Variants in COMMD10 observed in about 807,000 individuals in gnomAD.
The protein encoded by COMMD10 is COMM domain-containing protein 10.
Under a neutral mutation model 28.9 loss-of-function variants are expected in COMMD10, and 33 were observed. The observed-to-expected ratio is 1.14, with a 90% CI of 0.87 to 1.53. The LOEUF (loss-of-function observed/expected upper bound fraction) is 1.53. COMMD10 is among the 40% of genes most tolerant of loss of function. The probability of loss-of-function intolerance (pLI) is 0.00; values close to 1 mark genes in which losing one functional copy is unlikely to be tolerated. For synonymous variants in COMMD10, 110 were observed against 81.7 expected, an observed-to-expected ratio of 1.35 and a Z score of -1.87; for missense variants, 310 against 233.4, an observed-to-expected ratio of 1.33 and a Z score of -2.14.
chr5:116,149,468 A>T (rs1292576287), intron 5 of COMMD10, among the ~76,000 whole-genome samples: 1 of 146,786 alleles, frequency 6.8e-6, no homozygotes, highest in African/African-American at 2.6e-5. Flanking sequence ...TTACAGTCCC[A>T]CCAACAGTGT....
intron 5 of COMMD10, among the ~76,000 whole-genome samples, chr5:116,166,000 T>C (rs1162159951): frequency 5.3e-5 from 8 of 152,162 alleles, no homozygotes; most frequent in Non-Finnish European, 1.2e-4. Context: ...TTGAGGTGGG[T>C]CAGCTATGGT....
chr5:116,256,575 A>G (rs1750291685), intron 5 of COMMD10, among the ~76,000 whole-genome samples: 1 of 151,724 alleles, frequency 6.6e-6, no homozygotes, highest in African/African-American at 2.4e-5. Context: ...TTGAAACAGT[A>G]TACAGGTTGA....
At chr5:116,184,634 T>C (rs2112601644) in intron 5 of COMMD10, among the ~76,000 whole-genome samples, 1 of 151,928 alleles carries the variant, frequency 6.6e-6, no homozygotes, top group East Asian at 1.9e-4. Flanking sequence ...AGCAGTGGAG[T>C]TGTTATTTAC....
At chr5:116,251,522 T>G (rs1181331430) in intron 5 of COMMD10, among the ~76,000 whole-genome samples, 1 of 147,024 alleles carries the variant, frequency 6.8e-6, no homozygotes, top group Admixed American at 7.0e-5. Flanking sequence ...AATTCCCACC[T>G]ATGAGTGAGA....
At chr5:116,212,650 T>C (rs1413839042) in intron 5 of COMMD10, among the ~76,000 whole-genome samples, 2 of 152,068 alleles carry the variant, frequency 1.3e-5, no homozygotes, top group Non-Finnish European at 2.9e-5. Context: ...ATGAAATTAC[T>C]ATTGACATTT....
At chr5:116,085,199 CGGTTG>C in intron 1 of COMMD10, 106 bp downstream of exon 1, 1 of 222,664 alleles carries the variant, frequency 4.5e-6, no homozygotes, top group Non-Finnish European at 9.2e-6. Context: ...GCGGCGGGCC[CGGTTG>C]AGTGGGGTGG....
At chr5:116,258,009 T>A (rs934517966) in intron 5 of COMMD10, among the ~76,000 whole-genome samples, 1 of 151,662 alleles carries the variant, frequency 6.6e-6, no homozygotes, top group Non-Finnish European at 1.5e-5. Context: ...TTAAAGAGGG[T>A]TCAGCAGCTC....
chr5:116,196,136 C>T (rs1191153977), intron 5 of COMMD10, among the ~76,000 whole-genome samples: 6 of 152,134 alleles, frequency 3.9e-5, no homozygotes, highest in East Asian at 1.9e-4. Context: ...CTTGCAAACA[C>T]GCATGTTTAT....
chr5:116,187,651 A>G (rs911392873), intron 5 of COMMD10, among the ~76,000 whole-genome samples: 6 of 152,118 alleles, frequency 3.9e-5, no homozygotes, highest in Admixed American at 2.0e-4. Context: ...ATATATTTGT[A>G]GTATATTCTA....
intron 5 of COMMD10, among the ~76,000 whole-genome samples, chr5:116,139,802 T>G (rs1752138242): frequency 6.6e-6 from 1 of 151,760 alleles, no homozygotes; most frequent in African/African-American, 2.4e-5. Flanking sequence ...GCATGCTGTT[T>G]TGATATAAAT....
intron 5 of COMMD10, among the ~76,000 whole-genome samples, chr5:116,283,931 A>G (rs1751146353): frequency 1.3e-5 from 2 of 151,734 alleles, no homozygotes; most frequent in Non-Finnish European, 2.9e-5. Context: ...GGGGTTTGAA[A>G]CCAGCTTGGG....
rs899144225 is a variant in COMMD10, at chr5:116,261,087, T to G, written c.511-30430T>G. Among the ~76,000 whole-genome samples, 5 of 151,772 alleles carry G rather than the reference T, an allele frequency of 3.3e-5. 1 individual carries two copies. Among genetic ancestry groups the G allele is most frequent in the African/African-American group, 1.2e-4 (5 of 41,186 alleles). On this transcript the variant is annotated intron_variant, in intron 5 of 6. Coordinates refer to ENST00000274458, the MANE Select transcript of COMMD10 (RefSeq NM_016144.4). ...AGAGACATCAGTAGCCTATGGAAATTTGTTGCTTTTCTTTGAAAAGTGCAC... is the reference window on the plus strand; with the variant it reads ...AGAGACATCAGTAGCCTATGGAAATGTGTTGCTTTTCTTTGAAAAGTGCAC...
At chr5:116,168,542 C>T (rs977741619) in intron 5 of COMMD10, among the ~76,000 whole-genome samples, 14 of 152,148 alleles carry the variant, frequency 9.2e-5, no homozygotes, top group Non-Finnish European at 1.9e-4. Context: ...CTTCTCAGCA[C>T]TGCATCCCGC....
chr5:116,094,639 C>G (rs1445262160), intron 4 of COMMD10, among the ~76,000 whole-genome samples: 1 of 152,160 alleles, frequency 6.6e-6, no homozygotes, highest in African/African-American at 2.4e-5. Flanking sequence ...AAAATTAGAA[C>G]TACCACACAG....
chr5:116,255,296 A>G (rs1175716226), intron 5 of COMMD10, among the ~76,000 whole-genome samples: 1 of 151,702 alleles, frequency 6.6e-6, no homozygotes, highest in Non-Finnish European at 1.5e-5. Context: ...TAGTCCATTT[A>G]CATTTAAAGT....
intron 5 of COMMD10, among the ~76,000 whole-genome samples, chr5:116,149,543 C>T (rs959438398): frequency 1.5e-4 from 21 of 143,510 alleles, no homozygotes; most frequent in African/African-American, 4.0e-4. Context: ...TTAATGATTG[C>T]CATTCTAACC....
At chr5:116,286,067 A>G (rs939351320) in intron 5 of COMMD10, among the ~76,000 whole-genome samples, 14 of 151,734 alleles carry the variant, frequency 9.2e-5, no homozygotes, top group Non-Finnish European at 1.6e-4. Context: ...CATATTTTCT[A>G]TTTATTCATG....
chr5:116,206,466 C>T (rs1423772090), intron 5 of COMMD10, among the ~76,000 whole-genome samples: 1 of 152,082 alleles, frequency 6.6e-6, no homozygotes, highest in African/African-American at 2.4e-5. Context: ...GCCTGGCTAA[C>T]ATGGTGAAAC....
chr5:116,244,955 C>G (rs1424964044), intron 5 of COMMD10, among the ~76,000 whole-genome samples: 3 of 151,436 alleles, frequency 2.0e-5, no homozygotes, highest in African/African-American at 7.3e-5. Context: ...AATCCCAAAG[C>G]TAGCAGTAGA....
Sources: allele counts gnomAD v4.1 joint callset (sites outside exome capture counted in the v4.1 genomes callset), GRCh38; gene constraint gnomAD v4.1.1; transcripts MANE v1.5; gene names NCBI Gene and HGNC (gene_info 2026-07-23, HGNC 2026-07-21).